The following SRPK2 variants were observed in gnomAD, a reference collection of about 807,000 sequenced individuals.
SRPK2 encodes the protein SRSF protein kinase 2.
In SRPK2, 21 loss-of-function variants were observed where a neutral mutation model predicts 90.8. The observed-to-expected ratio is 0.23, with a 90% CI of 0.16 to 0.33. SRPK2 has a LOEUF of 0.33. SRPK2 is among the 10% of genes least tolerant of loss of function. The pLI is 1.00. For synonymous variants in SRPK2, 288 were observed against 311.1 expected (o/e 0.93, Z 0.78); for missense variants, 620 against 869.0 (o/e 0.71, Z 3.60).
At chr7:105,156,688 G>A (rs942276237) in intron 7 of SRPK2, among the ~76,000 whole-genome samples, 6 of 152,098 alleles carry the variant, frequency 3.9e-5, no homozygotes, top group African/African-American at 1.4e-4. Flanking sequence ...TTGTTTGGTA[G>A]AGACACGGTC....
chr7:105,302,103 C>G, intron 2 of SRPK2: 4 of 1,531,716 alleles, frequency 2.6e-6, no homozygotes, highest in Non-Finnish European at 3.6e-6. Context: ...GAATTTGAGA[C>G]AAGGAAAGAG....
At chr7:105,355,266 C>A (rs1016574793) in intron 2 of SRPK2, among the ~76,000 whole-genome samples, 1 of 151,924 alleles carries the variant, frequency 6.6e-6, no homozygotes, top group African/African-American at 2.4e-5. Flanking sequence ...GAGGCCACAG[C>A]AGGAGGAGTG....
chr7:105,262,859 A>T (rs1804497669), intron 2 of SRPK2, among the ~76,000 whole-genome samples: 1 of 152,230 alleles, frequency 6.6e-6, no homozygotes, highest in Admixed American at 6.5e-5. Context: ...AAGGAAAAAA[A>T]TATATACAAT....
chr7:105,122,661 TG>T (rs760997365), intron 15 of SRPK2, among the ~76,000 whole-genome samples: 3 of 152,220 alleles, frequency 2.0e-5, no homozygotes, highest in Non-Finnish European at 4.4e-5. Flanking sequence ...ACTCAGCTCC[TG>T]GGTTTTAGCC....
intron 2 of SRPK2, among the ~76,000 whole-genome samples, chr7:105,226,895 T>C (rs1228006435): frequency 2.6e-5 from 4 of 151,548 alleles, no homozygotes; most frequent in Non-Finnish European, 5.9e-5. Flanking sequence ...TAAGCCGAGA[T>C]CACACAACTG....
intron 3 of SRPK2, among the ~76,000 whole-genome samples, chr7:105,170,757 A>G (rs1439036145): frequency 1.1e-5 from 1 of 94,424 alleles, no homozygotes; most frequent in Non-Finnish European, 2.2e-5. Context: ...GGAAGGAAGG[A>G]AGGAAGGAAG....
chr7:105,261,528 A>G (rs781208120), intron 2 of SRPK2, among the ~76,000 whole-genome samples: 1 of 146,210 alleles, frequency 6.8e-6, no homozygotes, highest in Non-Finnish European at 1.5e-5. Flanking sequence ...ACTCCATCTC[A>G]AAAAAAAAAA....
At chr7:105,282,720 C>T (rs1188359998) in intron 2 of SRPK2, among the ~76,000 whole-genome samples, 1 of 152,042 alleles carries the variant, frequency 6.6e-6, no homozygotes, top group Non-Finnish European at 1.5e-5. Flanking sequence ...ACCTGGGAAG[C>T]GGAGGTTGCA....
chr7:105,196,394 C>A (rs367716779), intron 3 of SRPK2, among the ~76,000 whole-genome samples: 11 of 152,344 alleles, frequency 7.2e-5, no homozygotes, highest in African/African-American at 2.4e-4. Context: ...TTCAGCCACA[C>A]AACACCATTT....
intron 13 of SRPK2, among the ~76,000 whole-genome samples, chr7:105,132,133 C>T (rs1039929857): frequency 2.6e-5 from 4 of 152,228 alleles, no homozygotes; most frequent in Admixed American, 1.3e-4. Flanking sequence ...AGGCTTCTGC[C>T]GCCCTGTGGA....
chr7:105,157,063 G>A (rs1806603355), intron 7 of SRPK2, among the ~76,000 whole-genome samples: 1 of 152,134 alleles, frequency 6.6e-6, no homozygotes, highest in African/African-American at 2.4e-5. Flanking sequence ...GAATAAACTG[G>A]AAAAGGGACC....
chr7:105,177,207 T>C (rs1302410440), intron 3 of SRPK2, among the ~76,000 whole-genome samples: 1 of 152,182 alleles, frequency 6.6e-6, no homozygotes, highest in Non-Finnish European at 1.5e-5. Flanking sequence ...ATGAAACCTT[T>C]TGATGACTTG....
At chr7:105,289,589 G>A (rs545980593) in intron 2 of SRPK2, among the ~76,000 whole-genome samples, 24 of 152,290 alleles carry the variant, frequency 1.6e-4, no homozygotes, top group Admixed American at 1.3e-3. Context: ...TCATTAAAGT[G>A]ATCATAAAAA....
intron 2 of SRPK2, among the ~76,000 whole-genome samples, chr7:105,256,186 C>T (rs186058855): frequency 6.2e-4 from 94 of 152,280 alleles, no homozygotes; most frequent in African/African-American, 2.2e-3. Flanking sequence ...AAATCCCCTA[C>T]AATAAGTCTG....
At chr7:105,375,074 G>C (rs1014049023) in intron 2 of SRPK2, among the ~76,000 whole-genome samples, 1 of 152,138 alleles carries the variant, frequency 6.6e-6, no homozygotes, top group Non-Finnish European at 1.5e-5. Flanking sequence ...ATGCTGGCTG[G>C]TGAGAATATG....
chr7:105,299,933 A>G (rs1474779290), intron 2 of SRPK2, among the ~76,000 whole-genome samples: 1 of 151,968 alleles, frequency 6.6e-6, no homozygotes, highest in Non-Finnish European at 1.5e-5. Context: ...GATCTAAAAT[A>G]TTTCCAAAAT....
At position 105,157,258 on chromosome 7, in the gene SRPK2, T is replaced by G. The variant is rs138009782; in HGVS notation, c.621+3249A>C. 2.0e-4 allele frequency among the ~76,000 whole-genome samples: 30 copies of G among 152,002 alleles called. No homozygotes were observed. The East Asian group carries it at 5.8e-3, about 29-fold the overall frequency. ...TGGGGAAGCACAGCAAGTGATAGAG[T>G]AAGGAGAATGACTGGAACATGGTCG... On this transcript the variant is annotated intron_variant, in intron 7 of 15. Coordinates refer to ENST00000393651, the MANE Select transcript of SRPK2 (RefSeq NM_182692.3).
chr7:105,167,485 G>T (rs1335935780), intron 5 of SRPK2, 21 bp from the exon 6 acceptor site: 23 of 1,591,580 alleles, frequency 1.4e-5, no homozygotes, highest in Non-Finnish European at 2.0e-5. Context: ...AAAAATGAAT[G>T]CAAGAACACA....
chr7:105,331,014 A>G (rs1814246114), intron 2 of SRPK2, among the ~76,000 whole-genome samples: 1 of 152,048 alleles, frequency 6.6e-6, no homozygotes, highest in South Asian at 2.1e-4. Context: ...AAGAAAAAAA[A>G]AAGAAGGCCG....
Sources: gnomAD v4.1 joint callset for allele counts (sites outside exome capture counted in the v4.1 genomes callset) on GRCh38, gnomAD v4.1.1 for gene constraint, MANE v1.5 for transcripts, NCBI Gene and HGNC (gene_info 2026-07-23, HGNC 2026-07-21) for gene names.